ARFIP1: variants seen among roughly 807,000 people sequenced by gnomAD.
ARFIP1 encodes ARF interacting protein 1, also known as arfaptin-1.
ARFIP1 carries 24 observed loss-of-function variants against 42.5 expected under a neutral mutation model. The observed-to-expected ratio is 0.57, with a 90% CI of 0.41 to 0.80. The LOEUF is 0.80. Among genes scored for constraint, ARFIP1 ranks in the 30% least tolerant of loss-of-function variants. The probability of loss-of-function intolerance (pLI) is 0.00; values close to 1 mark genes in which losing one functional copy is unlikely to be tolerated. For missense variants in ARFIP1, 354 were observed against 434.0 expected, an observed-to-expected ratio of 0.82 and a Z score of 1.64; for synonymous variants, 141 against 153.7, an observed-to-expected ratio of 0.92 and a Z score of 0.61.
intron 1 of ARFIP1, among the ~76,000 whole-genome samples, chr4:152,813,405 T>C (rs1227473739): frequency 2.0e-5 from 3 of 152,208 alleles, no homozygotes; most frequent in Non-Finnish European, 4.4e-5. Flanking sequence ...TTCAGTTTTT[T>C]GTTTGTTTTT....
chr4:152,836,921 C>T (rs1418909931), intron 2 of ARFIP1, among the ~76,000 whole-genome samples: 1 of 151,902 alleles, frequency 6.6e-6, no homozygotes, highest in African/African-American at 2.4e-5. Flanking sequence ...TATTTTATCC[C>T]TTGTCCCCCT....
intron 1 of ARFIP1, among the ~76,000 whole-genome samples, chr4:152,815,598 A>G (rs1025156748): frequency 6.6e-6 from 1 of 152,148 alleles, no homozygotes; most frequent in African/African-American, 2.4e-5. Context: ...ATCTTGTCCA[A>G]TGGCAATTCC....
intron 1 of ARFIP1, chr4:152,796,567 T>G: frequency 1.2e-6 from 1 of 800,624 alleles, no homozygotes; most frequent in East Asian, 2.4e-5. Context: ...CTCTCTGTCC[T>G]GCTGATAGGC....
chr4:152,892,080 T>C, intron 8 of ARFIP1, among the ~76,000 whole-genome samples: 1 of 151,842 alleles, frequency 6.6e-6, no homozygotes, highest in South Asian at 2.1e-4. Flanking sequence ...CATCCTCTGC[T>C]TTTTTTTAAA....
At chr4:152,812,824 G>T (rs1177996204) in intron 1 of ARFIP1, among the ~76,000 whole-genome samples, 1 of 152,136 alleles carries the variant, frequency 6.6e-6, no homozygotes, top group African/African-American at 2.4e-5. Context: ...GGTCATTCTA[G>T]ATTCCTCCTT....
chr4:152,893,303 GCA>G (rs1737018401), intron 8 of ARFIP1, among the ~76,000 whole-genome samples: 1 of 144,172 alleles, frequency 6.9e-6, no homozygotes, highest in Non-Finnish European at 1.6e-5. Flanking sequence ...TGAGGCCAAA[GCA>G]TAGTCTCTCA....
chr4:152,866,176 A>G (rs1269193280), intron 3 of ARFIP1, among the ~76,000 whole-genome samples: 2 of 152,130 alleles, frequency 1.3e-5, no homozygotes, highest in Non-Finnish European at 2.9e-5. Flanking sequence ...CAGAGAGCAC[A>G]GGGTTGGGGG....
At chr4:152,859,429 G>T (rs1733702854) in intron 2 of ARFIP1, among the ~76,000 whole-genome samples, 1 of 152,166 alleles carries the variant, frequency 6.6e-6, no homozygotes, top group African/African-American at 2.4e-5. Context: ...AACCAATCAT[G>T]TCTTGAGGTC....
intron 1 of ARFIP1, among the ~76,000 whole-genome samples, chr4:152,808,820 G>C (rs1030460754): frequency 1.3e-5 from 2 of 152,162 alleles, no homozygotes; most frequent in African/African-American, 4.8e-5. Flanking sequence ...TGTAATCCCA[G>C]CACTTTGGGA....
intron 3 of ARFIP1, among the ~76,000 whole-genome samples, chr4:152,869,900 A>T (rs1734732563): frequency 6.6e-6 from 1 of 152,216 alleles, no homozygotes; most frequent in African/African-American, 2.4e-5. Flanking sequence ...TCTGGTTCTC[A>T]AACTTGGTTG....
intron 1 of ARFIP1, among the ~76,000 whole-genome samples, chr4:152,792,801 C>T (rs1424682077): frequency 6.6e-6 from 1 of 152,058 alleles, no homozygotes; most frequent in Non-Finnish European, 1.5e-5. Flanking sequence ...TTGGTCTATT[C>T]AGTATGTATA....
chr4:152,864,171 C>G (rs1352936386), intron 3 of ARFIP1, among the ~76,000 whole-genome samples: 1 of 151,986 alleles, frequency 6.6e-6, no homozygotes, highest in East Asian at 1.9e-4. Flanking sequence ...CCTAAATTTC[C>G]TCCCTTCTCT....
At chr4:152,862,666 C>G (rs1010516736) in intron 2 of ARFIP1, among the ~76,000 whole-genome samples, 1 of 152,100 alleles carries the variant, frequency 6.6e-6, no homozygotes, top group African/African-American at 2.4e-5. Context: ...TGTCATAGCC[C>G]TGAAATTCCC....
At chr4:152,899,345 T>A (rs1737624583) in intron 8 of ARFIP1, among the ~76,000 whole-genome samples, 1 of 152,146 alleles carries the variant, frequency 6.6e-6, no homozygotes, top group African/African-American at 2.4e-5. Context: ...ATTCCTGGGA[T>A]CTCACTACCC....
At chr4:152,869,591 G>A (rs1045566855) in intron 3 of ARFIP1, among the ~76,000 whole-genome samples, 4 of 147,810 alleles carry the variant, frequency 2.7e-5, no homozygotes, top group Non-Finnish European at 4.5e-5. Flanking sequence ...TGGGACTACA[G>A]GCTTGTGCCA....
intron 1 of ARFIP1, among the ~76,000 whole-genome samples, chr4:152,803,959 A>G (rs1470803866): frequency 4.7e-5 from 6 of 128,816 alleles, no homozygotes; most frequent in Non-Finnish European, 8.1e-5. Context: ...CTGAATGTGT[A>G]TATATATAAC....
chr4:152,866,826 G>A (rs10155171), intron 3 of ARFIP1, among the ~76,000 whole-genome samples: 26,402 of 151,426 alleles, frequency 0.17, 2,456 homozygotes, highest in African/African-American at 0.23. Context: ...ATGGGGTCGC[G>A]GCCAGGCAGA....
chr4:152,800,493 AG>A (rs1279323359), intron 1 of ARFIP1, among the ~76,000 whole-genome samples: 4 of 152,340 alleles, frequency 2.6e-5, no homozygotes, highest in South Asian at 2.1e-4. Context: ...GAAACTGTAT[AG>A]AAAAAAACTA....
intron 2 of ARFIP1, among the ~76,000 whole-genome samples, chr4:152,837,942 T>C (rs1731783884): frequency 6.6e-6 from 1 of 152,230 alleles, no homozygotes; most frequent in African/African-American, 2.4e-5. Context: ...CCATCTTGCG[T>C]TGATTTTTGT....
Sources: gnomAD v4.1 joint callset for allele counts (sites outside exome capture counted in the v4.1 genomes callset) on GRCh38, gnomAD v4.1.1 for gene constraint, MANE v1.5 for transcripts, NCBI Gene and HGNC (gene_info 2026-07-23, HGNC 2026-07-21) for gene names.